Variants in AP3B1 observed in about 807,000 individuals in gnomAD.
AP3B1 encodes the protein adaptor related protein complex 3 subunit beta 1, also known as AP-3 complex subunit beta-1.
AP3B1 carries 61 observed loss-of-function variants against 132.5 expected under a neutral mutation model. The ratio of observed to expected loss-of-function variants is 0.46; its 90% CI spans 0.37 to 0.57. The LOEUF (loss-of-function observed/expected upper bound fraction) is 0.57. AP3B1 is among the 20% of genes least tolerant of loss of function. AP3B1 has a pLI of 0.00. For synonymous variants in AP3B1, 388 were observed against 438.3 expected (o/e 0.89, Z 1.43); for missense variants, 1,120 against 1,289.4 (o/e 0.87, Z 2.01).
At chr5:78,265,556 C>G (rs1748288401) in intron 2 of AP3B1, among the ~76,000 whole-genome samples, 1 of 152,144 alleles carries the variant, frequency 6.6e-6, no homozygotes, top group Admixed American at 6.5e-5. Context: ...TTTCGTATTC[C>G]TCAGTAAATT....
At chr5:78,244,993 C>CA (rs570011047) in intron 2 of AP3B1, among the ~76,000 whole-genome samples, 23 of 141,810 alleles carry the variant, frequency 1.6e-4, no homozygotes, top group East Asian at 8.1e-4. Flanking sequence ...GACTCTGTCT[C>CA]AAAAAAAAAA....
intron 6 of AP3B1, among the ~76,000 whole-genome samples, chr5:78,217,394 T>C (rs1166603395): frequency 1.3e-5 from 2 of 152,146 alleles, no homozygotes; most frequent in African/African-American, 4.8e-5. Flanking sequence ...TGAAGCTGCA[T>C]TTATTGACTC....
intron 7 of AP3B1, among the ~76,000 whole-genome samples, chr5:78,184,637 G>A (rs1375355950): frequency 6.7e-6 from 1 of 149,674 alleles, no homozygotes; most frequent in African/African-American, 2.5e-5. Context: ...GCAGTAAGCC[G>A]AGATTGGCCA....
chr5:78,167,973 T>C (rs1743718580), intron 11 of AP3B1, among the ~76,000 whole-genome samples: 3 of 144,580 alleles, frequency 2.1e-5, no homozygotes, highest in South Asian at 2.1e-4. Flanking sequence ...AAAGAACTTA[T>C]GCATGTAACC....
intron 20 of AP3B1, among the ~76,000 whole-genome samples, chr5:78,107,232 G>C (rs1751377381): frequency 6.6e-6 from 1 of 152,132 alleles, no homozygotes; most frequent in African/African-American, 2.4e-5. Context: ...TTAAGTAGTA[G>C]GGGAATAGTC....
intron 3 of AP3B1, among the ~76,000 whole-genome samples, chr5:78,236,314 T>C (rs777471930): frequency 6.6e-6 from 1 of 151,948 alleles, no homozygotes; most frequent in Non-Finnish European, 1.5e-5. Context: ...ACCACCAATT[T>C]CTAAGGACTT....
intron 26 of AP3B1, among the ~76,000 whole-genome samples, chr5:78,013,069 G>A (rs1746689066): frequency 6.6e-6 from 1 of 151,432 alleles, no homozygotes; most frequent in Non-Finnish European, 1.5e-5. Context: ...TTTGAGACAG[G>A]GTCTCACTCT....
chr5:78,122,747 A>G (rs948989013), intron 17 of AP3B1, among the ~76,000 whole-genome samples: 18 of 152,314 alleles, frequency 1.2e-4, no homozygotes, highest in African/African-American at 4.3e-4. Flanking sequence ...GGAAGAATCA[A>G]TACCGTGAAA....
intron 7 of AP3B1, among the ~76,000 whole-genome samples, chr5:78,208,991 C>T (rs1745624251): frequency 6.6e-6 from 1 of 151,910 alleles, no homozygotes; most frequent in Admixed American, 6.6e-5. Flanking sequence ...AGAAGAATGA[C>T]AAATTCTCCA....
At chr5:78,017,426 T>C (rs3822645) in intron 25 of AP3B1, among the ~76,000 whole-genome samples, 4,743 of 152,034 alleles carry the variant, frequency 0.031, 201 homozygotes, top group East Asian at 0.18. Flanking sequence ...GAGAGCAGCA[T>C]GGTAAGCAAA....
At chr5:78,025,472 C>G (rs904650751) in intron 24 of AP3B1, among the ~76,000 whole-genome samples, 1 of 152,170 alleles carries the variant, frequency 6.6e-6, no homozygotes, top group East Asian at 1.9e-4. Flanking sequence ...TCTCTTGTAG[C>G]TAAGAGTGAT....
At chr5:78,053,612 G>A (rs577931663) in intron 22 of AP3B1, among the ~76,000 whole-genome samples, 66 of 150,628 alleles carry the variant, frequency 4.4e-4, no homozygotes, top group Admixed American at 6.6e-4. Flanking sequence ...CCTGGGAGGC[G>A]GAGGTTACAG....
chr5:78,015,374 C>G (rs201766234), intron 26 of AP3B1, 36 bp downstream of exon 26: 203 of 1,608,026 alleles, frequency 1.3e-4, no homozygotes, highest in Non-Finnish European at 1.6e-4. Flanking sequence ...ATATTCAAGT[C>G]ATCTTCACCT....
chr5:78,203,248 T>C (rs1221931503), intron 7 of AP3B1, among the ~76,000 whole-genome samples: 2 of 152,148 alleles, frequency 1.3e-5, no homozygotes, highest in East Asian at 1.9e-4. Flanking sequence ...GACTGGATAA[T>C]TTATAAAGAA....
intron 24 of AP3B1, among the ~76,000 whole-genome samples, chr5:78,033,678 CAAT>C (rs1747674702): frequency 6.6e-6 from 1 of 151,922 alleles, no homozygotes; most frequent in African/African-American, 2.4e-5. Context: ...AGATAATTCT[CAAT>C]GATGCATGAA....
chr5:78,207,393 C>T (rs1213321431), intron 7 of AP3B1, among the ~76,000 whole-genome samples: 1 of 151,794 alleles, frequency 6.6e-6, no homozygotes. Flanking sequence ...CACCAGTGTA[C>T]TCAAGCCTGG....
chr5:78,058,984 C>G (rs1257168997), intron 22 of AP3B1, among the ~76,000 whole-genome samples: 1 of 152,164 alleles, frequency 6.6e-6, no homozygotes, highest in Non-Finnish European at 1.5e-5. Context: ...GAAAAACAGC[C>G]CCTTCAAAGA....
intron 24 of AP3B1, among the ~76,000 whole-genome samples, chr5:78,029,035 G>C (rs781637835): frequency 1.3e-5 from 2 of 151,776 alleles, no homozygotes; most frequent in Non-Finnish European, 2.9e-5. Flanking sequence ...TAAAAAATGA[G>C]TATTTTCTGT....
chr5:78,190,737 T>C (rs941947157), intron 7 of AP3B1, among the ~76,000 whole-genome samples: 4 of 152,212 alleles, frequency 2.6e-5, no homozygotes, highest in Non-Finnish European at 2.9e-5. Flanking sequence ...TTGAACATTA[T>C]ACAAGCACTT....
Sources: gnomAD v4.1 joint callset for allele counts (sites outside exome capture counted in the v4.1 genomes callset) on GRCh38, gnomAD v4.1.1 for gene constraint, MANE v1.5 for transcripts, NCBI Gene and HGNC (gene_info 2026-07-23, HGNC 2026-07-21) for gene names.